Variants in THSD4 observed in about 807,000 individuals in gnomAD.
THSD4 encodes thrombospondin type-1 domain-containing protein 4.
In THSD4, 69 loss-of-function variants were observed where a neutral mutation model predicts 119.0. That is an observed-to-expected ratio of 0.58 (90% CI 0.48 to 0.71). THSD4 has a LOEUF of 0.71. THSD4 is among the 30% of genes least tolerant of loss of function. The probability of loss-of-function intolerance (pLI) is 0.00; values close to 1 mark genes in which losing one functional copy is unlikely to be tolerated. For synonymous variants in THSD4, 524 were observed against 540.4 expected (o/e 0.97, Z 0.42); for missense variants, 1,393 against 1,391.1 (o/e 1.00, Z -0.02).
At chr15:71,450,570 C>T (rs938658255) in intron 7 of THSD4, among the ~76,000 whole-genome samples, 5 of 152,194 alleles carry the variant, frequency 3.3e-5, no homozygotes, top group Non-Finnish European at 7.3e-5. Flanking sequence ...ATTCTTATAG[C>T]ATCCAAGGTT....
At chr15:71,154,468 G>A (rs980925121) in intron 2 of THSD4, among the ~76,000 whole-genome samples, 6 of 152,202 alleles carry the variant, frequency 3.9e-5, no homozygotes, top group Non-Finnish European at 7.3e-5. Flanking sequence ...GTGAAGGACC[G>A]CATGTGGGCT....
chr15:71,395,711 C>T (rs754826761), intron 6 of THSD4, among the ~76,000 whole-genome samples: 3 of 152,022 alleles, frequency 2.0e-5, no homozygotes, highest in South Asian at 4.1e-4. Context: ...CACTGCACTT[C>T]AGCTTGGGCC....
intron 7 of THSD4, among the ~76,000 whole-genome samples, chr15:71,587,317 T>C (rs1265116016): frequency 8.0e-6 from 1 of 125,210 alleles, no homozygotes; most frequent in African/African-American, 2.8e-5. Flanking sequence ...TAAAGACACA[T>C]GCACACGTAT....
chr15:71,102,226 G>A (rs1217922776), intron 1 of THSD4, among the ~76,000 whole-genome samples: 1 of 151,748 alleles, frequency 6.6e-6, no homozygotes, highest in Non-Finnish European at 1.5e-5. Context: ...ATCCTGTTTG[G>A]GATTCACTGA....
intron 4 of THSD4, among the ~76,000 whole-genome samples, chr15:71,228,764 A>G (rs887141974): frequency 2.0e-5 from 3 of 151,972 alleles, no homozygotes; most frequent in African/African-American, 7.3e-5. Flanking sequence ...CTTATGCCCC[A>G]GGTCAGGCCT....
chr15:71,352,817 G>T (rs1566951291), intron 6 of THSD4, among the ~76,000 whole-genome samples: 1 of 152,224 alleles, frequency 6.6e-6, no homozygotes, highest in Non-Finnish European at 1.5e-5. Context: ...TATTGGGAGG[G>T]GATAGAGGAA....
chr15:71,133,520 C>A (rs535734540), intron 1 of THSD4, among the ~76,000 whole-genome samples: 2 of 152,310 alleles, frequency 1.3e-5, no homozygotes, highest in East Asian at 3.9e-4. Context: ...AAGCACAAAT[C>A]ATAATGATAC....
At chr15:71,681,748 C>T (rs1188613051) in intron 8 of THSD4, among the ~76,000 whole-genome samples, 2 of 151,932 alleles carry the variant, frequency 1.3e-5, no homozygotes, top group East Asian at 1.9e-4. Flanking sequence ...GATCAAGCAC[C>T]GTTTGAGTTG....
intron 8 of THSD4, among the ~76,000 whole-genome samples, chr15:71,711,244 A>G (rs989533778): frequency 4.0e-5 from 6 of 151,878 alleles, no homozygotes; most frequent in Non-Finnish European, 7.4e-5. Context: ...TATTTTTTAC[A>G]TCAGTTTTAG....
chr15:71,460,307 T>TG (rs1435647859), intron 7 of THSD4, among the ~76,000 whole-genome samples: 1 of 138,592 alleles, frequency 7.2e-6, no homozygotes, highest in Admixed American at 7.1e-5. Context: ...GTTGCCTGGT[T>TG]TTTTTTTTTT....
intron 1 of THSD4, among the ~76,000 whole-genome samples, chr15:71,129,589 A>G (rs756498849): frequency 7.2e-5 from 11 of 152,116 alleles, no homozygotes; most frequent in Non-Finnish European, 1.2e-4. Context: ...CCTTGAAAAC[A>G]TTTTCTAATT....
intron 6 of THSD4, among the ~76,000 whole-genome samples, chr15:71,332,094 C>G (rs2045428159): frequency 6.6e-6 from 1 of 152,090 alleles, no homozygotes; most frequent in Non-Finnish European, 1.5e-5. Context: ...ATCAGGGAGT[C>G]CTGCAGCCAA....
chr15:71,615,543 C>T (rs1011231513), intron 7 of THSD4, among the ~76,000 whole-genome samples: 3 of 151,984 alleles, frequency 2.0e-5, no homozygotes, highest in Non-Finnish European at 4.4e-5. Context: ...TTTTTTTAAA[C>T]AGAAGCTACT....
chr15:71,118,452 T>C (rs919767624), intron 1 of THSD4, among the ~76,000 whole-genome samples: 2 of 152,156 alleles, frequency 1.3e-5, no homozygotes, highest in African/African-American at 4.8e-5. Context: ...CCTGCATTCT[T>C]TGTGCCTGCT....
chr15:71,500,668 A>G (rs899392677), intron 7 of THSD4, among the ~76,000 whole-genome samples: 1 of 152,208 alleles, frequency 6.6e-6, no homozygotes, highest in African/African-American at 2.4e-5. Flanking sequence ...GTGTAAGGTA[A>G]GAGTCTAACT....
chr15:71,341,654 G>A (rs2045579364), intron 6 of THSD4: 2 of 1,525,302 alleles, frequency 1.3e-6, no homozygotes, highest in African/African-American at 2.7e-5. Context: ...ACGAAGATTG[G>A]AACCTCTTGA....
At chr15:71,112,338 A>T, upstream of THSD4, 1 of 1,100,876 alleles carries the variant, frequency 9.1e-7, no homozygotes, top group Non-Finnish European at 1.3e-6. Flanking sequence ...TAATTAATTA[A>T]TAATTATAAT....
chr15:71,455,623 T>C lies in THSD4; in HGVS notation c.1152+43800T>C, dbSNP rs553729225. On this transcript the variant is annotated intron_variant, in intron 7 of 17. Coordinates refer to ENST00000261862, the MANE Select transcript of THSD4 (RefSeq NM_024817.3). Reference sequence around the variant, plus strand: ...AAGGAGTTGGGCTGTAATAAAATGCTGTTCTCTGTAGCATGACACCAGGCC... The same window carrying C: ...AAGGAGTTGGGCTGTAATAAAATGCCGTTCTCTGTAGCATGACACCAGGCC... 2.1e-3 allele frequency among the ~76,000 whole-genome samples: 313 copies of C among 152,292 alleles called. 17 individuals carry two copies. The South Asian group carries it at 0.06, about 29-fold the overall frequency.
intron 7 of THSD4, among the ~76,000 whole-genome samples, chr15:71,634,135 C>T (rs145958943): frequency 1.3e-3 from 200 of 150,402 alleles, no homozygotes; most frequent in African/African-American, 4.6e-3. Flanking sequence ...TTCAGTGAGC[C>T]GAGATCGCAC....
Sources: gnomAD v4.1 joint callset for allele counts (sites outside exome capture counted in the v4.1 genomes callset) on GRCh38, gnomAD v4.1.1 for gene constraint, MANE v1.5 for transcripts, NCBI Gene and HGNC (gene_info 2026-07-23, HGNC 2026-07-21) for gene names.